Variants in CACNA1C observed in about 807,000 individuals in gnomAD.
The protein encoded by CACNA1C is calcium voltage-gated channel subunit alpha1 C.
A neutral mutation model predicts 229.0 loss-of-function variants in CACNA1C; 30 were observed. The observed-to-expected ratio is 0.13, with a 90% CI of 0.10 to 0.18. The LOEUF is 0.18. Ranked by LOEUF, CACNA1C falls within the 10% of genes least tolerant of loss-of-function variation. The pLI, the probability that CACNA1C is intolerant of heterozygous loss-of-function variation, is 1.00. For missense variants in CACNA1C, 1,658 were observed against 2,845.0 expected (o/e 0.58, Z 9.49); for synonymous variants, 1,114 against 1,132.5 (o/e 0.98, Z 0.33).
intron 5 of CACNA1C, among the ~76,000 whole-genome samples, chr12:2,463,931 G>A (rs534660384): frequency 6.6e-6 from 1 of 152,196 alleles, no homozygotes; most frequent in Non-Finnish European, 1.5e-5. Context: ...AGGAATCAAC[G>A]TTATACAGCC....
rs993965709 is a variant in CACNA1C at position 2,070,305 on chromosome 12, C to T, written c.49+16694C>T. On this transcript the variant is annotated intron_variant, in intron 1 of 46. Transcript: ENST00000399655. ...CTGAGAGAGTCTTAAATCGGGGATG[C>T]TTTATCTTACTTGTGGTAGGTGTGA... Among the ~76,000 whole-genome samples the T allele has an allele frequency of 1.8e-4, 27 of 152,170 alleles. 2 individuals carry two copies. Among genetic ancestry groups the T allele is most frequent in the Non-Finnish European group, 1.5e-5 (1 of 68,032 alleles).
intron 10 of CACNA1C, among the ~76,000 whole-genome samples, chr12:2,553,295 G>T (rs1006451014): frequency 3.9e-5 from 6 of 152,314 alleles, no homozygotes; most frequent in Admixed American, 1.3e-4. Flanking sequence ...TCTACACCTG[G>T]AGAAACTGCA....
Position 2,691,142 on chromosome 12 carries a change from G to T in CACNA1C, c.6360G>T (p.Arg2120=). ...GEEDAGCVRA[R]GRPSEEELQD... is the part of the protein sequence containing the mutation. ...AGGACGCGGGCTGTGTGCGCGCGCG[G>T]GGTCGACCGAGTGAGGAGGAGCTCC... Residue 2120 remains arginine (R), a synonymous_variant, in exon 47 of 47, where the codon CGG becomes CGT. Coordinates refer to ENST00000399655, the MANE Select transcript of CACNA1C (RefSeq NM_000719.7). 6.2e-7 allele frequency: 1 copy of T among 1,606,746 alleles called. No homozygotes were observed. The highest frequency in any genetic ancestry group is 8.5e-7 in the Non-Finnish European group (1 of 1,174,728).
Position 2,493,433 on chromosome 12 carries a change from T to C in CACNA1C, c.1113+47T>C. On this transcript the variant is annotated intron_variant, in intron 7 of 46. Transcript: ENST00000399655. The surrounding 1 kb of genome is among the most constrained non-coding windows in gnomAD (Gnocchi z 4.6). Reference sequence around the variant, plus strand: ...TCAGAGGGTGGGGGAACAGCGGCCGTGAACCCTTCCCTGACACCTCCCTTT... The same window carrying C: ...TCAGAGGGTGGGGGAACAGCGGCCGCGAACCCTTCCCTGACACCTCCCTTT... The C allele has an allele frequency of 6.8e-7, 1 of 1,459,972 alleles. No individual in the cohort carries two copies. Among genetic ancestry groups the C allele is most frequent in the Non-Finnish European group, 9.6e-7 (1 of 1,042,670 alleles). 90.4% of individuals were successfully genotyped at this position (1,459,972 alleles called of 1,614,324 possible).
At chr12:2,661,466 TAAAAA>T (rs201145324) in intron 34 of CACNA1C, among the ~76,000 whole-genome samples, 2 of 150,908 alleles carry the variant, frequency 1.3e-5, no homozygotes, top group African/African-American at 4.9e-5. Flanking sequence ...TCTTAAGAAT[TAAAAA>T]AAAACAACTA....
intron 3 of CACNA1C, among the ~76,000 whole-genome samples, chr12:2,308,054 A>C (rs1226632639): frequency 3.3e-5 from 5 of 152,196 alleles, no homozygotes; most frequent in Non-Finnish European, 1.5e-5. Flanking sequence ...CTTGGACTAC[A>C]CTTGGAGAAA....
chr12:2,655,187 A>C lies in CACNA1C; in HGVS notation c.4181A>C (p.Asn1394Thr). The change falls in exon 34 of 47, where the codon AAC (asparagine) becomes ACC (threonine). Residue 1394 changes from asparagine (N) to threonine (T), a missense_variant. Asn to Thr is a moderately conservative substitution (Grantham distance 65). This residue lies in a region of CACNA1C where 151 missense variants were observed against 344.4 expected (regional missense o/e 0.44). Coordinates refer to ENST00000399655, the MANE Select transcript of CACNA1C (RefSeq NM_000719.7). The part of the protein sequence containing the change: ...KIALNDTTEI[N>T]RNNNFQTFPQ... ...GCCCTGAATGATACCACAGAGATCA[A>C]CCGGAACAACAACTTTCAGACCTTC... The C allele has an allele frequency of 6.2e-7, 1 of 1,613,850 alleles. No individual in the cohort carries two copies. The highest frequency in any genetic ancestry group is 8.5e-7 in the Non-Finnish European group (1 of 1,179,804).
chr12:2,353,403 C>T (rs1053228638), intron 3 of CACNA1C, among the ~76,000 whole-genome samples: 4 of 152,246 alleles, frequency 2.6e-5, no homozygotes, highest in Non-Finnish European at 4.4e-5. Flanking sequence ...ATGCCAGGAG[C>T]GCTTCTATGC....
chr12:2,457,804 C>A, intron 5 of CACNA1C, 98 bp downstream of exon 5: 1 of 1,093,308 alleles, frequency 9.1e-7, no homozygotes, highest in Non-Finnish European at 1.2e-6. Context: ...GGACCTGATT[C>A]CATATAAATG....
chr12:2,162,485 A>G (rs1399829716), intron 3 of CACNA1C, among the ~76,000 whole-genome samples: 1 of 152,048 alleles, frequency 6.6e-6, no homozygotes, highest in Admixed American at 6.6e-5. Context: ...CAGCCACAAA[A>G]CAAAAAATAA....
chr12:2,382,577 A>G (rs188051274), intron 3 of CACNA1C, among the ~76,000 whole-genome samples: 1 of 152,284 alleles, frequency 6.6e-6, no homozygotes, highest in East Asian at 1.9e-4. Flanking sequence ...TGTCTGAATC[A>G]TATCATAGGG....
At chr12:2,277,484 A>G (rs187964341) in intron 3 of CACNA1C, among the ~76,000 whole-genome samples, 62 of 150,908 alleles carry the variant, frequency 4.1e-4, no homozygotes, top group African/African-American at 1.5e-3. Flanking sequence ...CTGTTTCCCA[A>G]CTGTTGCTCT....
Position 2,593,198 on chromosome 12 carries a change from C to T in CACNA1C, c.2531-15C>T, listed in dbSNP as rs773069318. The T allele has an allele frequency of 6.2e-7, 1 of 1,612,450 alleles. No homozygotes were observed. The highest frequency in any genetic ancestry group is 8.5e-7 in the Non-Finnish European group (1 of 1,178,968). On this transcript the variant is annotated splice_polypyrimidine_tract_variant and intron_variant, in intron 18 of 46. Transcript: ENST00000399655. ...AGTGCTGGAGTTATTTAGAATGGTGCTGTTCTTCTTACAGGAGAAGAGGAT... is the reference window on the plus strand; with the variant it reads ...AGTGCTGGAGTTATTTAGAATGGTGTTGTTCTTCTTACAGGAGAAGAGGAT...
At chr12:2,233,102 T>G (rs2065951176) in intron 3 of CACNA1C, among the ~76,000 whole-genome samples, 1 of 152,224 alleles carries the variant, frequency 6.6e-6, no homozygotes, top group Non-Finnish European at 1.5e-5. Flanking sequence ...TGCTCATTCC[T>G]ATCAGCTTGT....
rs149043719 is a variant in CACNA1C, at chr12:2,144,956, C to A, written c.477+24526C>A. Among the ~76,000 whole-genome samples, 2 of 151,196 alleles carry A rather than the reference C, an allele frequency of 1.3e-5. 1 individual carries two copies. Among genetic ancestry groups the A allele is most frequent in the African/African-American group, 4.8e-5 (2 of 41,418 alleles). ...GGCTTCTAGGAGGAAAGAGAACATACCAGGGAAAGAACTGAGCAAACTTTC... is the reference window on the plus strand; with the variant it reads ...GGCTTCTAGGAGGAAAGAGAACATAACAGGGAAAGAACTGAGCAAACTTTC... On this transcript the variant is annotated intron_variant, in intron 3 of 46. Coordinates refer to ENST00000399655, the MANE Select transcript of CACNA1C (RefSeq NM_000719.7).
At chr12:2,238,724 G>A (rs1398246922) in intron 3 of CACNA1C, among the ~76,000 whole-genome samples, 1 of 152,206 alleles carries the variant, frequency 6.6e-6, no homozygotes, top group East Asian at 1.9e-4. Flanking sequence ...CCCCATCTAG[G>A]TATTTTCTCT....
At chr12:2,421,944 C>T (rs959315100) in intron 3 of CACNA1C, among the ~76,000 whole-genome samples, 1 of 151,974 alleles carries the variant, frequency 6.6e-6, no homozygotes, top group Non-Finnish European at 1.5e-5. Flanking sequence ...TTCTCTGTCT[C>T]TTGTCATGGC....
intron 19 of CACNA1C, among the ~76,000 whole-genome samples, chr12:2,593,647 C>A (rs901860978): frequency 6.6e-6 from 1 of 152,188 alleles, no homozygotes; most frequent in Non-Finnish European, 1.5e-5. Context: ...TCAAGAACCT[C>A]CTCCTGTATA....
chr12:2,087,762 T>C (rs902980222), intron 1 of CACNA1C, among the ~76,000 whole-genome samples: 6 of 152,194 alleles, frequency 3.9e-5, no homozygotes, highest in African/African-American at 1.4e-4. Flanking sequence ...AGGAGATGGA[T>C]AAGCAAGCTC....
Sources: gnomAD v4.1 joint callset for allele counts (sites outside exome capture counted in the v4.1 genomes callset) on GRCh38, gnomAD v4.1.1 for gene constraint, gnomAD v4.1.1 regional missense constraint, Gnocchi (gnomAD v3.1) non-coding constraint, MANE v1.5 for transcripts, NCBI Gene and HGNC (gene_info 2026-07-23, HGNC 2026-07-21) for gene names.